ATP8B4: variants seen among roughly 807,000 people sequenced by gnomAD.
The protein encoded by ATP8B4 is ATPase phospholipid transporting 8B4 (putative), also known as probable phospholipid-transporting ATPase IM.
Under a neutral mutation model 145.6 loss-of-function variants are expected in ATP8B4, and 133 were observed. That is an observed-to-expected ratio of 0.91 (90% confidence interval 0.79 to 1.05). ATP8B4 has a LOEUF of 1.05. ATP8B4 is among the 50% of genes least tolerant of loss of function. The pLI, the probability that ATP8B4 is intolerant of heterozygous loss-of-function variation, is 0.00. For synonymous variants in ATP8B4, 507 were observed against 492.9 expected (o/e 1.03, Z -0.38); for missense variants, 1,458 against 1,425.2 (o/e 1.02, Z -0.37).
intron 3 of ATP8B4, 52 bp downstream of exon 3, chr15:50,074,075 T>A (rs1217192817): frequency 1.3e-6 from 2 of 1,514,108 alleles, no homozygotes; most frequent in African/African-American, 2.8e-5. Flanking sequence ...CATCCCACTG[T>A]CTTTAGGTAA....
Position 49,858,747 on chromosome 15 carries a change from A to G in ATP8B4, c.*1447T>C, listed in dbSNP as rs910599445. 1 of 152,182 alleles carries G rather than the reference A, an allele frequency of 6.6e-6. No homozygotes were observed. The highest frequency in any genetic ancestry group is 6.5e-5 in the Admixed American group (1 of 15,280). The allele number at this position is 152,182 out of a possible 1,614,324, so 9.4% of individuals were successfully genotyped here. ...TCCCTGTAGGACCCTAACCAGTTTT[A>G]TATCTTTCTGGCAATTTCATTTTAT... On this transcript the variant is annotated 3_prime_UTR_variant, in exon 28 of 28. Transcript: ENST00000284509.
chr15:50,081,012 C>G (rs2054515377), intron 2 of ATP8B4, among the ~76,000 whole-genome samples: 1 of 151,540 alleles, frequency 6.6e-6, no homozygotes, highest in African/African-American at 2.4e-5. Context: ...ACTATGGAGG[C>G]TGAGGCAGGA....
intron 1 of ATP8B4, among the ~76,000 whole-genome samples, chr15:50,114,814 C>G (rs1427738629): frequency 6.6e-6 from 1 of 152,184 alleles, no homozygotes; most frequent in Non-Finnish European, 1.5e-5. Flanking sequence ...TTTTATTTTT[C>G]TTAAAATGTA....
At chr15:50,057,997 CAGAA>C (rs982982643) in intron 3 of ATP8B4, among the ~76,000 whole-genome samples, 30 of 151,582 alleles carry the variant, frequency 2.0e-4, no homozygotes, top group African/African-American at 6.8e-4. Context: ...AAAATACAGA[CAGAA>C]AGAGAGAGAG....
chr15:49,987,609 G>T, intron 9 of ATP8B4, 60 bp from the exon 10 acceptor site: 1 of 1,529,068 alleles, frequency 6.5e-7, no homozygotes, highest in Non-Finnish European at 8.9e-7. Flanking sequence ...CTCTTCAGAA[G>T]CCCACAGCAC....
chr15:50,147,658 A>G (rs2044296713), intron 1 of ATP8B4, among the ~76,000 whole-genome samples: 1 of 152,206 alleles, frequency 6.6e-6, no homozygotes, highest in South Asian at 2.1e-4. Flanking sequence ...CATGCTCAAA[A>G]GCTGATCGGG....
chr15:50,136,490 G>A (rs1567402047), intron 1 of ATP8B4, among the ~76,000 whole-genome samples: 1 of 152,226 alleles, frequency 6.6e-6, no homozygotes, highest in African/African-American at 2.4e-5. Flanking sequence ...TGGCTTAAAT[G>A]TTGGGTTGTA....
At chr15:50,007,923 T>C (rs1335660796) in intron 7 of ATP8B4, among the ~76,000 whole-genome samples, 1 of 152,214 alleles carries the variant, frequency 6.6e-6, no homozygotes, top group Non-Finnish European at 1.5e-5. Flanking sequence ...TTTGAAGGAC[T>C]CCCATCCTCG....
chr15:50,054,200 A>T (rs1023610290), intron 3 of ATP8B4, among the ~76,000 whole-genome samples: 1 of 152,208 alleles, frequency 6.6e-6, no homozygotes, highest in Non-Finnish European at 1.5e-5. Flanking sequence ...TTTCTTGTTC[A>T]TGCTACTTGC....
chr15:50,071,065 G>A (rs2053701224), intron 3 of ATP8B4, among the ~76,000 whole-genome samples: 1 of 152,140 alleles, frequency 6.6e-6, no homozygotes, highest in African/African-American at 2.4e-5. Context: ...TTAACTCAGA[G>A]ATGGAGCTAC....
Position 50,033,005 on chromosome 15 carries a change from G to A in ATP8B4, c.362+5763C>T, listed in dbSNP as rs187474285. On this transcript the variant is annotated intron_variant, in intron 6 of 27. Transcript: ENST00000284509. ...AATTTTAAATCCTAATATCCAAAGG[G>A]AGTCATCACTCAAACTAGAAAAGTT... Among the ~76,000 whole-genome samples the A allele has an allele frequency of 2.5e-4, 38 of 152,224 alleles. No individual in the cohort carries two copies. The East Asian group carries it at 6.4e-3, about 26-fold the overall frequency.
upstream of ATP8B4, among the ~76,000 whole-genome samples, chr15:50,120,471 T>C (rs1243055236): frequency 6.6e-6 from 1 of 152,218 alleles, no homozygotes; most frequent in Non-Finnish European, 1.5e-5. Flanking sequence ...AATATAAGTT[T>C]GGTAATTCCC....
chr15:50,070,481 C>A (rs1340710204), intron 3 of ATP8B4, among the ~76,000 whole-genome samples: 2 of 152,198 alleles, frequency 1.3e-5, no homozygotes, highest in Non-Finnish European at 2.9e-5. Context: ...AGAGGCTCCA[C>A]AGTTCACTGC....
intron 24 of ATP8B4, chr15:49,876,743 G>C: frequency 1.4e-6 from 1 of 717,706 alleles, no homozygotes; most frequent in East Asian, 3.0e-5. Context: ...GTCTCCAAGA[G>C]AGATTCATGA....
chr15:50,095,472 G>A (rs1026631670), intron 2 of ATP8B4, among the ~76,000 whole-genome samples: 1 of 152,166 alleles, frequency 6.6e-6, no homozygotes, highest in Non-Finnish European at 1.5e-5. Context: ...AACAGATAAT[G>A]AGGTTGAACG....
chr15:50,029,026 A>T (rs1417491527), intron 6 of ATP8B4, among the ~76,000 whole-genome samples: 2 of 151,970 alleles, frequency 1.3e-5, no homozygotes, highest in East Asian at 3.9e-4. Flanking sequence ...TGAGGTCAGG[A>T]GATTGAGACT....
chr15:50,020,759 A>G (rs1000777633), intron 6 of ATP8B4, among the ~76,000 whole-genome samples: 1 of 152,094 alleles, frequency 6.6e-6, no homozygotes, highest in East Asian at 1.9e-4. Flanking sequence ...CCAGTACACC[A>G]ACATATTGCC....
chr15:50,135,566 T>C (rs2044110012), intron 1 of ATP8B4, among the ~76,000 whole-genome samples: 1 of 152,158 alleles, frequency 6.6e-6, no homozygotes, highest in Non-Finnish European at 1.5e-5. Flanking sequence ...AAATCTAAAC[T>C]AAGTATGGGG....
intron 14 of ATP8B4, among the ~76,000 whole-genome samples, chr15:49,950,539 T>C (rs112258954): frequency 0.018 from 2,725 of 150,020 alleles, 92 homozygotes; most frequent in African/African-American, 0.064. Context: ...GTCTGTTTGA[T>C]TCTTCTCTCT....
Sources: gnomAD v4.1 joint callset for allele counts (sites outside exome capture counted in the v4.1 genomes callset) on GRCh38, gnomAD v4.1.1 for gene constraint, MANE v1.5 for transcripts, NCBI Gene and HGNC (gene_info 2026-07-23, HGNC 2026-07-21) for gene names.